The following MYH3 variants were observed in gnomAD, a reference collection of about 807,000 sequenced individuals.
MYH3 encodes myosin heavy chain 3.
MYH3 carries 130 observed loss-of-function variants against 238.0 expected under a neutral mutation model. That is an observed-to-expected ratio of 0.55 (90% confidence interval 0.47 to 0.63). The LOEUF is 0.63. Among genes scored for constraint, MYH3 ranks in the 30% least tolerant of loss-of-function variants. The pLI, the probability that MYH3 is intolerant of heterozygous loss-of-function variation, is 0.00. For missense variants in MYH3, 1,853 were observed against 2,374.9 expected (o/e 0.78, Z 4.57); for synonymous variants, 880 against 924.1 (o/e 0.95, Z 0.86).
Position 10,654,230 on chromosome 17 carries a change from A to T in MYH3, c.204+631T>A, listed in dbSNP as rs1159822143. On this transcript the variant is annotated intron_variant, in intron 3 of 40. Transcript: ENST00000583535. This position sits in a 1 kb window ranked among gnomAD's most constrained non-coding sequence, Gnocchi z 4.5. ...CCTTCCTTCCCTCCATCTCTCTTTC[A>T]CTCTTTCTTTCTTTTTTCCTTTTTT... Among the ~76,000 whole-genome samples, 112 of 97,492 alleles carry T rather than the reference A, an allele frequency of 1.1e-3. No individual in the cohort carries two copies. Among genetic ancestry groups the T allele is most frequent in the African/African-American group, 2.1e-3 (49 of 23,370 alleles). 64.0% of individuals were successfully genotyped at this position (97,492 alleles called of 152,430 possible). A position where few individuals can be genotyped will look rare whatever the true frequency, so the allele number is the denominator to read the frequency against.
chr17:10,649,819 C>T lies in MYH3; in HGVS notation c.534-134G>A, dbSNP rs932947860. On this transcript the variant is annotated intron_variant, in intron 6 of 40. Transcript: ENST00000583535. ...ACACTCACCACACTAATGTGACAGA[C>T]CACTTGAGAAGGCAGACGCCCAGGG... 4.8e-6 allele frequency: 4 copies of T among 828,468 alleles called. No individual in the cohort carries two copies. In the South Asian group the frequency reaches 5.6e-5, roughly 12 times the overall value. The allele number at this position is 828,468 out of a possible 1,614,324, so 51.3% of individuals were successfully genotyped here.
chr17:10,649,442 T>C, intron 7 of MYH3, 135 bp downstream of exon 7: 9 of 777,782 alleles, frequency 1.2e-5, no homozygotes, highest in Non-Finnish European at 1.8e-5. Context: ...CTGGCTGTCC[T>C]TCAAGATAGT....
At position 10,645,783 on chromosome 17, in the gene MYH3, T is replaced by A; in HGVS notation, c.1065A>T (p.Gly355=). Residue 355 remains glycine (G), a synonymous_variant, in exon 12 of 41, where the codon GGA becomes GGT. Transcript: ENST00000583535. The stretch of plus-strand genomic sequence containing the variant: ...TCATGTTCCCGTAGTGCATCACGGC[T>A]CCCGTCAGCTTGTAGAGCCCAGATT... ...EEKSGLYKLT[G]AVMHYGNMKF... is the part of the protein sequence containing the mutation. 1 of 1,613,854 alleles carries A rather than the reference T, an allele frequency of 6.2e-7. No homozygotes were observed. The highest frequency in any genetic ancestry group is 8.5e-7 in the Non-Finnish European group (1 of 1,180,010).
At position 10,634,187 on chromosome 17, in the gene MYH3, A is replaced by C; in HGVS notation, c.4357-5T>G. ...TGTCTTCCACTCTGCCAACACCTGAAACACCGGACGGAAGTTCTCTCCGTT... is the reference window on the plus strand; with the variant it reads ...TGTCTTCCACTCTGCCAACACCTGACACACCGGACGGAAGTTCTCTCCGTT... On this transcript the variant is annotated splice_region_variant and splice_polypyrimidine_tract_variant and intron_variant, in intron 31 of 40. Transcript: ENST00000583535. The C allele has an allele frequency of 6.2e-7, 1 of 1,614,152 alleles. No homozygotes were observed. Among genetic ancestry groups the C allele is most frequent in the Non-Finnish European group, 8.5e-7 (1 of 1,180,028 alleles).
chr17:10,663,230 C>T, the MYH3 span, among the ~76,000 whole-genome samples: 13 of 152,306 alleles, frequency 8.5e-5, no homozygotes, highest in South Asian at 6.2e-4. Context: ...TTCGAGAAGG[C>T]GTTCACCTCT....
At chr17:10,660,073 C>T (rs1485997356), upstream of MYH3, among the ~76,000 whole-genome samples, 1 of 152,210 alleles carries the variant, frequency 6.6e-6, no homozygotes, top group African/African-American at 2.4e-5. Flanking sequence ...CCGGCTTGCC[C>T]GCTTGCACAC....
the MYH3 span, among the ~76,000 whole-genome samples, chr17:10,666,597 A>AC: frequency 2.7e-5 from 4 of 150,894 alleles, no homozygotes; most frequent in African/African-American, 4.9e-5. Context: ...AAAAAAAAAA[A>AC]CTTAAAAAAC....
At chr17:10,674,427 A>AAAAC in the MYH3 span, 8,108 of 288,614 alleles carry the variant, frequency 0.028, 624 homozygotes, top group African/African-American at 0.17. Flanking sequence ...ACTCCATCTC[A>AAAAC]AAACAAACAA....
chr17:10,667,665 G>C, the MYH3 span, among the ~76,000 whole-genome samples: 1 of 136,584 alleles, frequency 7.3e-6, no homozygotes, highest in Non-Finnish European at 1.5e-5. Flanking sequence ...CTGGGTGACA[G>C]AGCAAGACTC....
At chr17:10,629,448 A>AG (rs2074129283) in intron 40 of MYH3, 149 bp downstream of exon 40, 1 of 929,446 alleles carries the variant, frequency 1.1e-6, no homozygotes, top group Admixed American at 2.5e-5. Flanking sequence ...GATTCTAGCG[A>AG]GGGTCCAGTC....
intron 3 of MYH3, among the ~76,000 whole-genome samples, chr17:10,653,016 C>G (rs578144454): frequency 6.6e-6 from 1 of 152,042 alleles, no homozygotes; most frequent in African/African-American, 2.4e-5. Flanking sequence ...CAGCTCACAG[C>G]GAGAGGAGGA....
chr17:10,670,098 G>A, the MYH3 span, among the ~76,000 whole-genome samples: 2 of 152,122 alleles, frequency 1.3e-5, no homozygotes, highest in South Asian at 4.1e-4. The surrounding 1 kb of genome is among the most constrained non-coding windows in gnomAD (Gnocchi z 7.0). Flanking sequence ...ATTCTCCAGG[G>A]GGAATGTCCA....
the MYH3 span, among the ~76,000 whole-genome samples, chr17:10,669,559 T>C: frequency 2.5e-5 from 3 of 118,192 alleles, no homozygotes; most frequent in African/African-American, 6.7e-5. Context: ...AGAGTGAGAG[T>C]CCATCTCAAA....
At chr17:10,669,563 T>C in the MYH3 span, among the ~76,000 whole-genome samples, 2 of 122,482 alleles carry the variant, frequency 1.6e-5, no homozygotes, top group African/African-American at 6.2e-5. Flanking sequence ...TGAGAGTCCA[T>C]CTCAAAAAAA....
chr17:10,659,402 T>G (rs2074465086), upstream of MYH3, among the ~76,000 whole-genome samples: 1 of 152,222 alleles, frequency 6.6e-6, no homozygotes, highest in Admixed American at 6.5e-5. Flanking sequence ...TAAGTGAATC[T>G]AGGAGAAAAC....
intron 8 of MYH3, among the ~76,000 whole-genome samples, chr17:10,648,314 G>A (rs1405432842): frequency 6.6e-6 from 1 of 152,078 alleles, no homozygotes; most frequent in Non-Finnish European, 1.5e-5. Context: ...CAGCTCCCGT[G>A]CCAGCCCCAC....
the MYH3 span, among the ~76,000 whole-genome samples, chr17:10,670,840 T>C: frequency 6.6e-6 from 1 of 152,206 alleles, no homozygotes; most frequent in Non-Finnish European, 1.5e-5. The surrounding 1 kb of genome is among the most constrained non-coding windows in gnomAD (Gnocchi z 7.0). Context: ...TTAATGGTTC[T>C]ACGGTACCCC....
the MYH3 span, among the ~76,000 whole-genome samples, chr17:10,669,350 C>T: frequency 2.4e-4 from 37 of 152,128 alleles, no homozygotes; most frequent in Non-Finnish European, 4.0e-4. Flanking sequence ...GTCAGGAGTT[C>T]GAGACCAGCC....
intron 14 of MYH3, among the ~76,000 whole-genome samples, chr17:10,643,383 T>C (rs953211101): frequency 6.6e-6 from 1 of 152,108 alleles, no homozygotes; most frequent in Non-Finnish European, 1.5e-5. Context: ...CTTTTTTTTT[T>C]CTTTTTTTTT....
Sources: allele counts gnomAD v4.1 joint callset (sites outside exome capture counted in the v4.1 genomes callset), GRCh38; gene constraint gnomAD v4.1.1; non-coding constraint Gnocchi (gnomAD v3.1); transcripts MANE v1.5; gene names NCBI Gene and HGNC (gene_info 2026-07-23, HGNC 2026-07-21).